The following DPP6 variants were observed in gnomAD, a reference collection of about 807,000 sequenced individuals.
DPP6 encodes the protein A-type potassium channel modulatory protein DPP6.
A neutral mutation model predicts 122.6 loss-of-function variants in DPP6; 69 were observed. That is an observed-to-expected ratio of 0.56 (90% CI 0.46 to 0.69). The LOEUF is 0.69. Ranked by LOEUF, DPP6 falls within the 30% of genes least tolerant of loss-of-function variation. The pLI, the probability that DPP6 is intolerant of heterozygous loss-of-function variation, is 0.00. For missense variants in DPP6, 928 were observed against 1,116.9 expected, an observed-to-expected ratio of 0.83 and a Z score of 2.41; for synonymous variants, 418 against 433.1, an observed-to-expected ratio of 0.97 and a Z score of 0.43.
chr7:154,006,736 A>G (rs1359029031), intron 1 of DPP6, among the ~76,000 whole-genome samples: 1 of 152,228 alleles, frequency 6.6e-6, no homozygotes, highest in East Asian at 1.9e-4. Flanking sequence ...GCAATAAGCT[A>G]ATGTACAGGG....
At chr7:154,308,007 A>C (rs912761318) in intron 1 of DPP6, among the ~76,000 whole-genome samples, 4 of 152,102 alleles carry the variant, frequency 2.6e-5, no homozygotes, top group Non-Finnish European at 5.9e-5. Flanking sequence ...TGAGAAACTC[A>C]CTGGCACCTC....
intron 3 of DPP6, among the ~76,000 whole-genome samples, chr7:154,508,856 A>C (rs1413660963): frequency 1.3e-5 from 2 of 152,252 alleles, no homozygotes; most frequent in African/African-American, 4.8e-5. Flanking sequence ...AAATGCTTAT[A>C]ATCTGGTAAT....
At chr7:154,090,909 A>G (rs1031317361) in intron 1 of DPP6, among the ~76,000 whole-genome samples, 3 of 149,422 alleles carry the variant, frequency 2.0e-5, no homozygotes, top group South Asian at 2.2e-4. Flanking sequence ...TCACAAAGTC[A>G]GGAGATCGAG....
chr7:153,919,689 G>A (rs1476622847), intron 1 of DPP6, among the ~76,000 whole-genome samples: 1 of 152,166 alleles, frequency 6.6e-6, no homozygotes, highest in Non-Finnish European at 1.5e-5. Flanking sequence ...TGTTTTATAA[G>A]CACAGAGAAC....
chr7:154,006,739 G>C lies in DPP6; in HGVS notation c.51+119005G>C, dbSNP rs2533547. 6.6e-3 allele frequency among the ~76,000 whole-genome samples: 1,008 copies of C among 152,232 alleles called. 4 individuals carry two copies. Among genetic ancestry groups the C allele is most frequent in the Non-Finnish European group, 8.5e-3 (575 of 67,970 alleles). On this transcript the variant is annotated intron_variant, in intron 1 of 25. Transcript: ENST00000404039. ...TACCAAGAAAATGCAATAAGCTAAT[G>C]TACAGGGAGCACTTAAAAGACTATC... is the stretch of plus-strand genomic sequence containing the variant.
rs11302452 is a variant in DPP6, at chr7:154,334,188, G to GAA, written c.244-112012_244-112011dup. On this transcript the variant is annotated intron_variant, in intron 1 of 25. Coordinates refer to ENST00000377770, the MANE Select transcript of DPP6 (RefSeq NM_130797.4). The stretch of plus-strand genomic sequence containing the variant: ...TTCGTTTAAAAACATACAGAAAATG[G>GAA]AAAAAAAAAAAAAAACCTTTGCAAA... Among the ~76,000 whole-genome samples the GAA allele has an allele frequency of 8.4e-3, 1,228 of 145,684 alleles. 9 individuals carry two copies. Among genetic ancestry groups the GAA allele is most frequent in the Middle Eastern group, 0.014 (4 of 284 alleles).
intron 6 of DPP6, among the ~76,000 whole-genome samples, chr7:154,651,625 A>G (rs1415424303): frequency 6.6e-6 from 1 of 152,148 alleles, no homozygotes; most frequent in Non-Finnish European, 1.5e-5. Context: ...ATGGCTGAGG[A>G]TCGGCTGCTG....
chr7:154,068,241 G>C (rs1802880546), intron 1 of DPP6, among the ~76,000 whole-genome samples: 1 of 151,332 alleles, frequency 6.6e-6, no homozygotes, highest in Non-Finnish European at 1.5e-5. Context: ...TGGTGGAGGT[G>C]TTTGTATTTT....
At chr7:154,249,291 A>C (rs1802196856) in intron 1 of DPP6, among the ~76,000 whole-genome samples, 1 of 152,256 alleles carries the variant, frequency 6.6e-6, no homozygotes, top group African/African-American at 2.4e-5. Flanking sequence ...CAAGCATCCT[A>C]TTTGTTTTTA....
chr7:154,634,654 CT>C (rs1317344966), intron 5 of DPP6, among the ~76,000 whole-genome samples: 2 of 141,448 alleles, frequency 1.4e-5, no homozygotes, highest in Non-Finnish European at 3.3e-5. Context: ...CCTCCTCCTC[CT>C]CCTCTTCCTC....
intron 3 of DPP6, among the ~76,000 whole-genome samples, chr7:154,492,539 C>T (rs1362431781): frequency 6.6e-6 from 1 of 152,226 alleles, no homozygotes; most frequent in Non-Finnish European, 1.5e-5. Flanking sequence ...TCGTCCTTCC[C>T]TCGTTCCACC....
intron 1 of DPP6, among the ~76,000 whole-genome samples, chr7:154,429,309 C>T (rs1290154993): frequency 1.3e-5 from 2 of 152,206 alleles, no homozygotes; most frequent in African/African-American, 2.4e-5. Flanking sequence ...TGCTGACGCT[C>T]CTCTGACCAC....
At chr7:154,045,152 C>G (rs919680491) in intron 1 of DPP6, among the ~76,000 whole-genome samples, 6 of 149,394 alleles carry the variant, frequency 4.0e-5, no homozygotes, top group Admixed American at 4.0e-4. Flanking sequence ...CCTGCAAAGA[C>G]TAAATGGACT....
intron 1 of DPP6, among the ~76,000 whole-genome samples, chr7:153,962,232 A>T (rs1203681075): frequency 6.6e-6 from 1 of 152,042 alleles, no homozygotes; most frequent in Non-Finnish European, 1.5e-5. Context: ...AATAGTTTTG[A>T]AGACTAGTCC....
intron 4 of DPP6, among the ~76,000 whole-genome samples, chr7:154,549,823 T>C (rs1409094395): frequency 6.6e-6 from 1 of 152,136 alleles, no homozygotes; most frequent in African/African-American, 2.4e-5. Flanking sequence ...GAATAATGAA[T>C]CAACCTCCAG....
At chr7:154,125,435 A>G (rs1807807698) in intron 1 of DPP6, among the ~76,000 whole-genome samples, 2 of 152,162 alleles carry the variant, frequency 1.3e-5, no homozygotes, top group South Asian at 4.1e-4. Context: ...GAGAAGAGCA[A>G]AGCTAAGAAA....
intron 1 of DPP6, among the ~76,000 whole-genome samples, chr7:154,357,725 T>C (rs929153619): frequency 6.6e-6 from 1 of 152,176 alleles, no homozygotes; most frequent in South Asian, 2.1e-4. Flanking sequence ...GTGGATCACC[T>C]GAGGTCAGGA....
At chr7:154,648,983 T>C (rs532762746) in intron 6 of DPP6, among the ~76,000 whole-genome samples, 46 of 151,778 alleles carry the variant, frequency 3.0e-4, no homozygotes, top group African/African-American at 1.0e-3. Context: ...ATAGGTGCAA[T>C]GAATGACATA....
intron 20 of DPP6, 74 bp downstream of exon 20, chr7:154,876,174 A>G: frequency 6.9e-7 from 1 of 1,442,602 alleles, no homozygotes; most frequent in Admixed American, 2.7e-5. Context: ...CCGCAGTCAC[A>G]GTGCGGGAAT....
Sources: gnomAD v4.1 joint callset for allele counts (sites outside exome capture counted in the v4.1 genomes callset) on GRCh38, gnomAD v4.1.1 for gene constraint, MANE v1.5 for transcripts, NCBI Gene and HGNC (gene_info 2026-07-23, HGNC 2026-07-21) for gene names.